Variants in RFWD3 observed in about 807,000 individuals in gnomAD.
RFWD3 encodes the protein E3 ubiquitin-protein ligase RFWD3.
A neutral mutation model predicts 87.7 loss-of-function variants in RFWD3; 65 were observed. The ratio of observed to expected loss-of-function variants is 0.74; its 90% CI spans 0.61 to 0.91. The LOEUF is 0.91. RFWD3 is among the 40% of genes least tolerant of loss of function. The pLI, the probability that RFWD3 is intolerant of heterozygous loss-of-function variation, is 0.00. For synonymous variants in RFWD3, 433 were observed against 352.8 expected (o/e 1.23, Z -2.55); for missense variants, 1,078 against 938.5 (o/e 1.15, Z -1.94).
chr16:74,624,215 T>C (rs1234535589), intron 12 of RFWD3, 144 bp from the exon 13 acceptor site: 12 of 930,696 alleles, frequency 1.3e-5, no homozygotes, highest in Non-Finnish European at 1.9e-5. Context: ...CTTTGCAAGG[T>C]TGTTCAAAGT....
chr16:74,646,811 G>A (rs896130259), intron 4 of RFWD3, among the ~76,000 whole-genome samples: 7 of 151,536 alleles, frequency 4.6e-5, no homozygotes, highest in Admixed American at 1.3e-4. Flanking sequence ...GGTGGCTCAC[G>A]CCTGTAATCC....
At chr16:74,643,989 T>C (rs978859271) in intron 6 of RFWD3, 3 of 281,694 alleles carry the variant, frequency 1.1e-5, no homozygotes, top group African/African-American at 2.2e-5. Flanking sequence ...AGCAACTGTT[T>C]TGTGCTTCCG....
chr16:74,662,818 C>T (rs746929131), intron 1 of RFWD3, among the ~76,000 whole-genome samples: 2 of 151,950 alleles, frequency 1.3e-5, no homozygotes, highest in South Asian at 2.1e-4. Flanking sequence ...GGAGTCCAGA[C>T]CAGAGGTCAG....
intron 10 of RFWD3, among the ~76,000 whole-genome samples, chr16:74,630,441 G>C (rs543417027): frequency 6.6e-6 from 1 of 152,328 alleles, no homozygotes; most frequent in South Asian, 2.1e-4. Flanking sequence ...AGATTTTACA[G>C]ATTAAGCTCA....
chr16:74,628,810 T>C (rs1959010494), intron 10 of RFWD3, 144 bp from the exon 11 acceptor site: 2 of 660,618 alleles, frequency 3.0e-6, no homozygotes, highest in Non-Finnish European at 5.2e-6. Flanking sequence ...TGATAAAAAT[T>C]ATCAACCCTC....
intron 1 of RFWD3, among the ~76,000 whole-genome samples, chr16:74,665,692 C>A (rs1181462034): frequency 6.6e-6 from 1 of 151,998 alleles, no homozygotes; most frequent in South Asian, 2.1e-4. Flanking sequence ...CCCGGGAGTT[C>A]GAGACTGCAG....
At chr16:74,649,816 AT>A (rs1960434271) in intron 3 of RFWD3, among the ~76,000 whole-genome samples, 1 of 151,684 alleles carries the variant, frequency 6.6e-6, no homozygotes, top group Non-Finnish European at 1.5e-5. Context: ...CCCCTCACCC[AT>A]TTTTTTCCCC....
intron 8 of RFWD3, among the ~76,000 whole-genome samples, chr16:74,635,037 T>C (rs1056546480): frequency 6.6e-6 from 1 of 151,832 alleles, no homozygotes; most frequent in African/African-American, 2.4e-5. Flanking sequence ...TCCCAGCACT[T>C]TGGGAGGCCG....
At chr16:74,641,157 A>T (rs1446963821) in intron 6 of RFWD3, among the ~76,000 whole-genome samples, 1 of 151,916 alleles carries the variant, frequency 6.6e-6, no homozygotes, top group Non-Finnish European at 1.5e-5. Context: ...TAAAACACAA[A>T]CAGATAATTT....
In RFWD3 at chr16:74,651,964, C is replaced by T; in HGVS notation, c.677G>A (p.Gly226Glu). 1 of 1,613,996 alleles carries T rather than the reference C, an allele frequency of 6.2e-7. No individual in the cohort carries two copies. The highest frequency in any genetic ancestry group is 8.5e-7 in the Non-Finnish European group (1 of 1,179,934). The part of the protein sequence containing the change: ...SDSDSSAEYG[G>E]VVDQAEESGA... ...AGATTCCTCTGCCTGGTCAACAACC[C>T]CTCCATACTCTGCAGAGCTGTCACT... is the stretch of plus-strand genomic sequence containing the variant. The change falls in exon 3 of 13, where the codon GGG (glycine) becomes GAG (glutamate). Residue 226 changes from glycine to glutamate, a missense_variant. Gly to Glu is a moderately conservative substitution (Grantham distance 98). Coordinates refer to ENST00000361070, the MANE Select transcript of RFWD3 (RefSeq NM_018124.4).
At chr16:74,641,000 A>C (rs1959595657) in intron 6 of RFWD3, among the ~76,000 whole-genome samples, 1 of 152,094 alleles carries the variant, frequency 6.6e-6, no homozygotes, top group Admixed American at 6.5e-5. Context: ...TTTTTAAACA[A>C]GAAAAGTTTA....
intron 3 of RFWD3, among the ~76,000 whole-genome samples, chr16:74,651,139 T>TA: frequency 6.6e-6 from 1 of 152,190 alleles, no homozygotes; most frequent in Non-Finnish European, 1.5e-5. Context: ...CTTTCAGTGG[T>TA]AAAATATACT....
chr16:74,624,250 A>G (rs1264689812), intron 12 of RFWD3, among the ~76,000 whole-genome samples, 179 bp from the exon 13 acceptor site: 1 of 152,378 alleles, frequency 6.6e-6, no homozygotes, highest in Non-Finnish European at 1.5e-5. Context: ...TAGTTCAGGT[A>G]CAGCCTCACC....
At chr16:74,666,108 G>A (rs771783157) in intron 1 of RFWD3, among the ~76,000 whole-genome samples, 1 of 151,720 alleles carries the variant, frequency 6.6e-6, no homozygotes, top group Non-Finnish European at 1.5e-5. Flanking sequence ...AGGGAGAGAG[G>A]GAAAGAAGGA....
intron 10 of RFWD3, among the ~76,000 whole-genome samples, chr16:74,628,937 C>T (rs898803775): frequency 6.6e-6 from 1 of 152,086 alleles, no homozygotes; most frequent in African/African-American, 2.4e-5. Context: ...TACAAGATCA[C>T]AATTACTATG....
intron 2 of RFWD3, chr16:74,660,524 A>C (rs1026584533): frequency 2.9e-5 from 5 of 175,278 alleles, no homozygotes; most frequent in Admixed American, 1.7e-4. Context: ...AACCCTGTCA[A>C]GACTTGACAG....
chr16:74,656,243 C>T (rs899303198), intron 2 of RFWD3, among the ~76,000 whole-genome samples: 3 of 135,852 alleles, frequency 2.2e-5, no homozygotes, highest in African/African-American at 8.3e-5. Context: ...GAGGTTGAGG[C>T]TGCAGTGAGC....
Position 74,666,845 on chromosome 16 carries a change from G to GCCGAAGACTCGGTAGATACCTCC in RFWD3, c.-63_-62insGGAGGTATCTACCGAGTCTTCGG, listed in dbSNP as rs56890104. ...CCGCCGAAGACTCGGTAGTTACCTCGGCCGCACTCCGAATGCACCTACGCC... is the reference window on the plus strand; with the variant it reads ...CCGCCGAAGACTCGGTAGTTACCTCGCCGAAGACTCGGTAGATACCTCCGCCGCACTCCGAATGCACCTACGCC... On this transcript the variant is annotated 5_prime_UTR_variant, in exon 1 of 13. Transcript: ENST00000361070. 1 of 150,860 alleles carries GCCGAAGACTCGGTAGATACCTCC rather than the reference G, an allele frequency of 6.6e-6. No individual in the cohort carries two copies. Among genetic ancestry groups the GCCGAAGACTCGGTAGATACCTCC allele is most frequent in the Non-Finnish European group, 1.5e-5 (1 of 67,736 alleles). 9.3% of individuals were successfully genotyped at this position (150,860 alleles called of 1,614,324 possible).
intron 6 of RFWD3, among the ~76,000 whole-genome samples, chr16:74,642,321 G>A (rs1959731247): frequency 6.6e-6 from 1 of 151,818 alleles, no homozygotes; most frequent in Non-Finnish European, 1.5e-5. Context: ...ATGGGGTTTT[G>A]CCATGCTGCT....
Sources: gnomAD v4.1 joint callset for allele counts (sites outside exome capture counted in the v4.1 genomes callset) on GRCh38, gnomAD v4.1.1 for gene constraint, MANE v1.5 for transcripts, NCBI Gene and HGNC (gene_info 2026-07-23, HGNC 2026-07-21) for gene names.